Variants in C5orf15 observed in about 807,000 individuals in gnomAD.
C5orf15 encodes chromosome 5 open reading frame 15.
C5orf15 carries 10 observed loss-of-function variants against 17.8 expected under a neutral mutation model. The observed-to-expected ratio is 0.56, with a 90% CI of 0.35 to 0.95. C5orf15 has a LOEUF of 0.95. Among genes scored for constraint, C5orf15 ranks in the 40% least tolerant of loss-of-function variants. The pLI, the probability that C5orf15 is intolerant of heterozygous loss-of-function variation, is 0.02. For synonymous variants in C5orf15, 124 were observed against 131.0 expected (o/e 0.95, Z 0.36); for missense variants, 319 against 331.7 (o/e 0.96, Z 0.30).
At chr5:133,963,103 C>A (rs1181689975) in intron 1 of C5orf15, among the ~76,000 whole-genome samples, 1 of 152,148 alleles carries the variant, frequency 6.6e-6, no homozygotes, top group East Asian at 1.9e-4. Context: ...ATTTTAAATT[C>A]AATGCCAAAG....
intron 1 of C5orf15, 45 bp from the exon 2 acceptor site, chr5:133,960,065 T>A (rs777866650): frequency 6.6e-7 from 1 of 1,524,408 alleles, no homozygotes; most frequent in South Asian, 1.3e-5. Flanking sequence ...CAACTTTATC[T>A]CCACCAAGCT....
intron 1 of C5orf15, among the ~76,000 whole-genome samples, chr5:133,965,974 C>CA (rs1433490267): frequency 1.3e-5 from 2 of 151,552 alleles, no homozygotes; most frequent in Non-Finnish European, 2.9e-5. Flanking sequence ...CCTGTAATCC[C>CA]AGCACTTTGG....
rs772946447 is a variant in C5orf15, at chr5:133,956,134, A to T, written c.*725T>A. 4 of 152,652 alleles carry T rather than the reference A, an allele frequency of 2.6e-5. No homozygotes were observed. The highest frequency in any genetic ancestry group is 5.9e-5 in the Non-Finnish European group (4 of 68,036). 9.5% of individuals were successfully genotyped at this position (152,652 alleles called of 1,614,324 possible). A position where few individuals can be genotyped will look rare whatever the true frequency, so the allele number is the denominator to read the frequency against. ...CCTTGGAGGAACCCATGCTACAATC[A>T]ATTGCTAACTAAAAGCAATTGTACA... On this transcript the variant is annotated 3_prime_UTR_variant, in exon 3 of 3. Coordinates refer to ENST00000231512, the MANE Select transcript of C5orf15 (RefSeq NM_020199.3).
chr5:133,968,410 T>C (rs972968546), intron 1 of C5orf15, 36 bp downstream of exon 1: 1 of 1,593,492 alleles, frequency 6.3e-7, no homozygotes, highest in South Asian at 1.1e-5. Context: ...CGAGCCCTCC[T>C]AGCCTTCCTA....
intron 1 of C5orf15, among the ~76,000 whole-genome samples, chr5:133,967,901 C>T (rs554022352): frequency 2.3e-4 from 35 of 152,170 alleles, no homozygotes; most frequent in Non-Finnish European, 4.4e-4. Context: ...CACTGGATTA[C>T]TGCCCCTGCC....
In C5orf15 at chr5:133,967,467, A is replaced by G. The variant is rs1386103019; in HGVS notation, c.139+979T>C. 7 of 152,366 alleles carry G rather than the reference A, an allele frequency of 4.6e-5. No homozygotes were observed. The East Asian group carries it at 1.3e-3, about 29-fold the overall frequency. 9.4% of individuals were successfully genotyped at this position (152,366 alleles called of 1,614,324 possible). On this transcript the variant is annotated intron_variant, in intron 1 of 2. Transcript: ENST00000231512. ...GCAGGACTGTGTCTTGGCCTGAAAGAAAAATGGGACTACTAAACAAAATAC... is the reference window on the plus strand; with the variant it reads ...GCAGGACTGTGTCTTGGCCTGAAAGGAAAATGGGACTACTAAACAAAATAC...
At chr5:133,965,647 C>T (rs1752181010) in intron 1 of C5orf15, among the ~76,000 whole-genome samples, 2 of 152,194 alleles carry the variant, frequency 1.3e-5, no homozygotes, top group South Asian at 4.1e-4. Flanking sequence ...AAGCTTAGGC[C>T]GGACACGGTG....
chr5:133,968,551 G>A lies in C5orf15; in HGVS notation c.34C>T (p.Pro12Ser). The A allele has an allele frequency of 6.2e-7, 1 of 1,609,892 alleles. No homozygotes were observed. ...CCGGGCAGCAGTTTCGCTTGTGCTG[G>A]CCCCCTCATCCTCTTCGGGACGGCA... ...AAAVPKRMRG[P>S]AQAKLLPGSA... is the part of the protein sequence containing the mutation. The change falls in exon 1 of 3, where the codon CCA becomes TCA. Residue 12 changes from proline to serine, a missense_variant. Transcript: ENST00000231512.
intron 1 of C5orf15, 92 bp downstream of exon 1, chr5:133,968,354 T>C (rs1752226310): frequency 2.7e-6 from 4 of 1,508,442 alleles, no homozygotes; most frequent in Non-Finnish European, 3.6e-6. Context: ...CTCCTGACAC[T>C]TGGAAGCGCC....
Position 133,955,597 on chromosome 5 carries a change from A to T in C5orf15, c.*1262T>A, listed in dbSNP as rs1488951533. 7 of 152,688 alleles carry T rather than the reference A, an allele frequency of 4.6e-5. No homozygotes were observed. The highest frequency in any genetic ancestry group is 1.5e-5 in the Non-Finnish European group (1 of 68,044). 9.5% of individuals were successfully genotyped at this position (152,688 alleles called of 1,614,324 possible). On this transcript the variant is annotated 3_prime_UTR_variant, in exon 3 of 3. Coordinates refer to ENST00000231512, the MANE Select transcript of C5orf15 (RefSeq NM_020199.3). ...AGATATGAAAAAAATTACTGCAATA[A>T]AACGGTTCAGGGGTATTTCCATTGT... is the stretch of plus-strand genomic sequence containing the variant.
intron 1 of C5orf15, among the ~76,000 whole-genome samples, chr5:133,964,112 G>A (rs1352090154): frequency 2.0e-5 from 3 of 152,136 alleles, no homozygotes; most frequent in Non-Finnish European, 2.9e-5. Flanking sequence ...AGCTACTCTG[G>A]AGGCTGAGAC....
rs1286403973 is a variant in C5orf15, at chr5:133,959,885, G to C, written c.275C>G (p.Thr92Arg). Residue 92 changes from threonine (T) to arginine (R), a missense_variant, in exon 2 of 3, where the codon ACG becomes AGG. Around this residue, in one of 3 missense-constraint regions of C5orf15, gnomAD observed 17 missense variants for 43.6 expected, o/e 0.39. Transcript: ENST00000231512. ...TGCTCCTCCACTTTTCTTGGTACTC[G>C]TCGTGGGAGGGAGGGTGGTGCTGAT... is the stretch of plus-strand genomic sequence containing the variant. ...SQISTTLPPT[T>R]STKKSGGASV... 6.2e-7 allele frequency: 1 copy of C among 1,613,894 alleles called. No individual in the cohort carries two copies. Among genetic ancestry groups the C allele is most frequent in the Non-Finnish European group, 8.5e-7 (1 of 1,179,974 alleles).
At chr5:133,967,565 A>G (rs1309515802) in intron 1 of C5orf15, 4 of 152,200 alleles carry the variant, frequency 2.6e-5, no homozygotes, top group Admixed American at 2.0e-4. Flanking sequence ...CAGATTTCCT[A>G]ATTTCTCAAT....
chr5:133,957,013 T>C (rs1752051351), intron 2 of C5orf15, 23 bp from the exon 3 acceptor site: 3 of 1,580,796 alleles, frequency 1.9e-6, no homozygotes, highest in Non-Finnish European at 2.6e-6. Flanking sequence ...AGTCATTAAA[T>C]AGGCAAAAGA....
intron 2 of C5orf15, among the ~76,000 whole-genome samples, chr5:133,958,678 A>G (rs180965488): frequency 2.0e-4 from 31 of 151,798 alleles, no homozygotes; most frequent in African/African-American, 7.5e-4. Flanking sequence ...TTTATAGACC[A>G]GAAATACACC....
intron 1 of C5orf15, among the ~76,000 whole-genome samples, chr5:133,961,527 C>T (rs1209014243): frequency 7.6e-6 from 1 of 132,402 alleles, no homozygotes; most frequent in Non-Finnish European, 1.5e-5. Flanking sequence ...GCCTGGCCGA[C>T]AGAGCAAGAC....
At chr5:133,958,059 T>C (rs1014948839) in intron 2 of C5orf15, among the ~76,000 whole-genome samples, 1 of 151,950 alleles carries the variant, frequency 6.6e-6, no homozygotes, top group African/African-American at 2.4e-5. Flanking sequence ...CACAATATTA[T>C]TTCTGAACCA....
At chr5:133,961,253 A>AAAAAT (rs1296558231) in intron 1 of C5orf15, among the ~76,000 whole-genome samples, 1 of 147,622 alleles carries the variant, frequency 6.8e-6, no homozygotes, top group African/African-American at 2.5e-5. Flanking sequence ...AAAAAAAAAA[A>AAAAAT]AAAAAAAAAA....
Position 133,959,814 on chromosome 5 carries a change from C to G in C5orf15, c.346G>C (p.Ala116Pro), listed in dbSNP as rs374905247. ...PSPTPLSQEE[A>P]DNNEDPSIEE... ...ATACTAGGATCTTCATTGTTATCAG[C>G]TTCCTCTTGAGACAGAGGAGTAGGC... is the stretch of plus-strand genomic sequence containing the variant. The change falls in exon 2 of 3, where the codon GCT (alanine) becomes CCT (proline). Residue 116 changes from alanine (A) to proline (P), a missense_variant. Physicochemically the swap from Ala to Pro is conservative, Grantham distance 27 (BLOSUM62 -1). Around this residue, in one of 3 missense-constraint regions of C5orf15, gnomAD observed 175 missense variants for 192.4 expected, o/e 0.91. Transcript: ENST00000231512. 18 of 1,613,980 alleles carry G rather than the reference C, an allele frequency of 1.1e-5. No individual in the cohort carries two copies. The African/African-American group carries it at 2.4e-4, about 22-fold the overall frequency.
Sources: gnomAD v4.1 joint callset for allele counts (sites outside exome capture counted in the v4.1 genomes callset) on GRCh38, gnomAD v4.1.1 for gene constraint, gnomAD v4.1.1 regional missense constraint, MANE v1.5 for transcripts, NCBI Gene and HGNC (gene_info 2026-07-23, HGNC 2026-07-21) for gene names.